The following PCDHGB3 variants were observed in gnomAD, a reference collection of about 807,000 sequenced individuals.
PCDHGB3 encodes the protein protocadherin gamma subfamily B, 3, also known as protocadherin gamma-B3.
A neutral mutation model predicts 59.2 loss-of-function variants in PCDHGB3; 40 were observed. The ratio of observed to expected loss-of-function variants is 0.68; its 90% CI spans 0.52 to 0.88. PCDHGB3 has a LOEUF of 0.88. Among genes scored for constraint, PCDHGB3 ranks in the 40% least tolerant of loss-of-function variants. The pLI is 0.00. For missense variants in PCDHGB3, 1,309 were observed against 1,187.9 expected (o/e 1.10, Z -1.50); for synonymous variants, 581 against 503.6 (o/e 1.15, Z -2.06).
chr5:141,403,247 A>T, intron 1 of PCDHGB3: 1 of 1,613,910 alleles, frequency 6.2e-7, no homozygotes, highest in Middle Eastern at 1.6e-4. Flanking sequence ...CTGTGCTCAG[A>T]GCCCGCGGTG....
chr5:141,491,705 G>A lies in PCDHGB3; in HGVS notation c.2416-3102G>A. ...ACGCTGCGGGAGCGGAGCCAGGTGA[G>A]GGGCTCGGCGCCGCCCCGGGCGACC... is the stretch of plus-strand genomic sequence containing the variant. On this transcript the variant is annotated intron_variant, in intron 1 of 3. Transcript: ENST00000576222. The surrounding 1 kb of genome is among the most constrained non-coding windows in gnomAD (Gnocchi z 6.9). 1 of 1,611,064 alleles carries A rather than the reference G, an allele frequency of 6.2e-7. No homozygotes were observed. Among genetic ancestry groups the A allele is most frequent in the South Asian group, 1.1e-5 (1 of 90,828 alleles).
Position 141,432,757 on chromosome 5 carries a change from C to T in PCDHGB3, c.2415+59948C>T. On this transcript the variant is annotated intron_variant, in intron 1 of 3. Coordinates refer to ENST00000576222, the MANE Select transcript of PCDHGB3 (RefSeq NM_018924.5). This position sits in a 1 kb window ranked among gnomAD's most constrained non-coding sequence, Gnocchi z 6.0. ...TCACGCTCACCGTGGCCGTGGCCGA[C>T]AGCATCCCCCAAGTCCTGGCGGACC... is the stretch of plus-strand genomic sequence containing the variant. 1.2e-6 allele frequency: 2 copies of T among 1,614,150 alleles called. No individual in the cohort carries two copies. Among genetic ancestry groups the T allele is most frequent in the African/African-American group, 1.3e-5 (1 of 75,076 alleles).
intron 1 of PCDHGB3, among the ~76,000 whole-genome samples, chr5:141,450,561 A>G (rs1381887193): frequency 6.6e-6 from 1 of 151,856 alleles, no homozygotes; most frequent in Admixed American, 6.6e-5. Flanking sequence ...GTCTCGGCTC[A>G]CTGCAACTTC....
chr5:141,388,686 GA>G, intron 1 of PCDHGB3: 1 of 1,613,980 alleles, frequency 6.2e-7, no homozygotes, highest in Non-Finnish European at 8.5e-7. Context: ...GACTGCCACG[GA>G]CCAGGATGAG....
Position 141,477,575 on chromosome 5 carries a change from C to T in PCDHGB3, c.2416-17232C>T. The T allele has an allele frequency of 6.2e-7, 1 of 1,614,176 alleles. No individual in the cohort carries two copies. The highest frequency in any genetic ancestry group is 8.5e-7 in the Non-Finnish European group (1 of 1,180,030). On this transcript the variant is annotated intron_variant, in intron 1 of 3. Coordinates refer to ENST00000576222, the MANE Select transcript of PCDHGB3 (RefSeq NM_018924.5). This position sits in a 1 kb window ranked among gnomAD's most constrained non-coding sequence, Gnocchi z 4.9. ...CCTAAGTGTCTGGGACCCCGACGCC[C>T]CGCAGAATGCTCGGCTTTCTTTCTT... is the stretch of plus-strand genomic sequence containing the variant.
At chr5:141,391,890 G>A (rs2092437971) in intron 1 of PCDHGB3, 1 of 152,182 alleles carries the variant, frequency 6.6e-6, no homozygotes, top group Non-Finnish European at 1.5e-5. Context: ...AAAGGGATGG[G>A]ATGGAGCTTT....
In PCDHGB3 at chr5:141,371,904, T is replaced by C; in HGVS notation, c.1510T>C (p.Tyr504His). The change falls in exon 1 of 4, where the codon TAC becomes CAC. Residue 504 changes from tyrosine (Y) to histidine (H), a missense_variant. Physicochemically the swap from Tyr to His is moderately conservative, Grantham distance 83. Coordinates refer to ENST00000576222, the MANE Select transcript of PCDHGB3 (RefSeq NM_018924.5). ...CCTGGAGCCGCGGGAGCTGTCGTCC[T>C]ACGTGTCCGTGAGCGCGCGGAGCGG... The part of the protein sequence containing the change: ...SDLEPRELSS[Y>H]VSVSARSGVV... 4 of 1,613,398 alleles carry C rather than the reference T, an allele frequency of 2.5e-6. No homozygotes were observed. The highest frequency in any genetic ancestry group is 3.4e-6 in the Non-Finnish European group (4 of 1,179,900).
chr5:141,485,106 T>C lies in PCDHGB3; in HGVS notation c.2416-9701T>C, dbSNP rs2099607051. The C allele has an allele frequency of 3.3e-6, 4 of 1,206,448 alleles. No homozygotes were observed. Among genetic ancestry groups the C allele is most frequent in the Non-Finnish European group, 4.8e-6 (4 of 828,284 alleles). 74.7% of individuals were successfully genotyped at this position (1,206,448 alleles called of 1,614,324 possible). ...GGGAGATAGGTGTCTCCAGCTGCTGTGGCTGTTTGGGGCGGGTCGGCTTCA... is the reference window on the plus strand; with the variant it reads ...GGGAGATAGGTGTCTCCAGCTGCTGCGGCTGTTTGGGGCGGGTCGGCTTCA... On this transcript the variant is annotated intron_variant, in intron 1 of 3. Coordinates refer to ENST00000576222, the MANE Select transcript of PCDHGB3 (RefSeq NM_018924.5). This position sits in a 1 kb window ranked among gnomAD's most constrained non-coding sequence, Gnocchi z 5.7.
At chr5:141,373,534 T>C (rs1191585178) in intron 1 of PCDHGB3, among the ~76,000 whole-genome samples, 1 of 152,172 alleles carries the variant, frequency 6.6e-6, no homozygotes, top group East Asian at 1.9e-4. Flanking sequence ...AAAAAAGTGT[T>C]TGTGGTTGTT....
In PCDHGB3 at chr5:141,431,584, G is replaced by C. The variant is rs201462681; in HGVS notation, c.2415+58775G>C. 5.0e-6 allele frequency: 8 copies of C among 1,614,192 alleles called. No individual in the cohort carries two copies. The Admixed American group carries it at 1.3e-4, about 27-fold the overall frequency. ...CCGACCCTGACGAAGGAGTCAATGC[G>C]GAAGTGAGGTATTCCTTCCGGTATG... On this transcript the variant is annotated intron_variant, in intron 1 of 3. Transcript: ENST00000576222. This position sits in a 1 kb window ranked among gnomAD's most constrained non-coding sequence, Gnocchi z 4.8.
intron 1 of PCDHGB3, among the ~76,000 whole-genome samples, chr5:141,469,492 T>C (rs1233507221): frequency 6.6e-6 from 1 of 152,038 alleles, no homozygotes; most frequent in Non-Finnish European, 1.5e-5. Flanking sequence ...GGAGAATCGC[T>C]TGAACCCGGG....
chr5:141,405,967 G>C (rs76683972), intron 1 of PCDHGB3, among the ~76,000 whole-genome samples: 1 of 151,968 alleles, frequency 6.6e-6, no homozygotes, highest in Non-Finnish European at 1.5e-5. Context: ...TGCTGTCAAC[G>C]TAAACCATAC....
chr5:141,410,090 C>A (rs369832481), intron 1 of PCDHGB3: 51 of 1,612,358 alleles, frequency 3.2e-5, no homozygotes, highest in Middle Eastern at 1.7e-4. Context: ...GCGCACGGCT[C>A]GAGCCTTAGG....
intron 1 of PCDHGB3, among the ~76,000 whole-genome samples, chr5:141,467,590 A>T (rs2099146863): frequency 6.6e-6 from 1 of 152,214 alleles, no homozygotes; most frequent in African/African-American, 2.4e-5. Context: ...AATGCCATTT[A>T]TTAAGCACTT....
intron 1 of PCDHGB3, chr5:141,382,999 T>C (rs1208869928): frequency 6.2e-7 from 1 of 1,613,770 alleles, no homozygotes; most frequent in Non-Finnish European, 8.5e-7. Context: ...TATTCTCTAC[T>C]CCGTGTCGGA....
At chr5:141,419,916 C>T in intron 1 of PCDHGB3, 1 of 1,614,080 alleles carries the variant, frequency 6.2e-7, no homozygotes, top group Non-Finnish European at 8.5e-7. Context: ...GACTCCCAGG[C>T]TGAGATGCAG....
intron 1 of PCDHGB3, among the ~76,000 whole-genome samples, chr5:141,464,417 A>C (rs2099083685): frequency 6.6e-6 from 1 of 151,564 alleles, no homozygotes; most frequent in African/African-American, 2.4e-5. Flanking sequence ...ATATATATCT[A>C]TATATATAGA....
At chr5:141,395,126 C>G (rs1416844764) in intron 1 of PCDHGB3, 1 of 1,614,078 alleles carries the variant, frequency 6.2e-7, no homozygotes, top group East Asian at 2.2e-5. Flanking sequence ...TGATCTTTCC[C>G]CAGCCCAACT....
rs1477534800 is a variant in PCDHGB3, at chr5:141,404,988, A to G, written c.2415+32179A>G. The G allele has an allele frequency of 5.0e-6, 8 of 1,613,868 alleles. 1 individual carries two copies. The South Asian group carries it at 7.7e-5, about 16-fold the overall frequency. On this transcript the variant is annotated intron_variant, in intron 1 of 3. Coordinates refer to ENST00000576222, the MANE Select transcript of PCDHGB3 (RefSeq NM_018924.5). ...ATCCTGGCTGACCTGGGCAGTCTTCAGATCCCTGCAGACCTGGAGGCCTCA... is the reference window on the plus strand; with the variant it reads ...ATCCTGGCTGACCTGGGCAGTCTTCGGATCCCTGCAGACCTGGAGGCCTCA...
Sources: allele counts gnomAD v4.1 joint callset (sites outside exome capture counted in the v4.1 genomes callset), GRCh38; gene constraint gnomAD v4.1.1; non-coding constraint Gnocchi (gnomAD v3.1); transcripts MANE v1.5; gene names NCBI Gene and HGNC (gene_info 2026-07-23, HGNC 2026-07-21).